The following CLVS1 variants were observed in gnomAD, a reference collection of about 807,000 sequenced individuals.
CLVS1 encodes the protein clavesin-1.
Under a neutral mutation model 33.1 loss-of-function variants are expected in CLVS1, and 10 were observed. The observed-to-expected ratio is 0.30, with a 90% confidence interval of 0.19 to 0.51. The LOEUF is 0.51. Among genes scored for constraint, CLVS1 ranks in the 20% least tolerant of loss-of-function variants. The pLI, the probability that CLVS1 is intolerant of heterozygous loss-of-function variation, is 0.97. For missense variants in CLVS1, 343 were observed against 433.4 expected (o/e 0.79, Z 1.85); for synonymous variants, 163 against 166.1 (o/e 0.98, Z 0.14).
chr8:61,063,045 T>C (rs1804609036), intron 1 of CLVS1, among the ~76,000 whole-genome samples: 1 of 152,136 alleles, frequency 6.6e-6, no homozygotes, highest in Non-Finnish European at 1.5e-5. Flanking sequence ...ATTCCCATTG[T>C]TTGAAAGATA....
At chr8:61,412,010 TC>T (rs1815248104) in intron 3 of CLVS1, among the ~76,000 whole-genome samples, 2 of 152,124 alleles carry the variant, frequency 1.3e-5, no homozygotes, top group African/African-American at 4.8e-5. Context: ...AGGGAAGCCT[TC>T]ACTGAGACAG....
chr8:61,279,013 G>C (rs1026622794), intron 2 of CLVS1, among the ~76,000 whole-genome samples: 2 of 152,256 alleles, frequency 1.3e-5, no homozygotes, highest in Admixed American at 6.5e-5. Context: ...ATGTGGCTGA[G>C]AGAGTCATTA....
chr8:61,139,834 C>G (rs1487791587), intron 2 of CLVS1, among the ~76,000 whole-genome samples: 1 of 152,140 alleles, frequency 6.6e-6, no homozygotes, highest in Non-Finnish European at 1.5e-5. Context: ...TCCTTCCCGG[C>G]TCCCTCTTGT....
chr8:61,212,855 G>A (rs912655132), intron 2 of CLVS1, among the ~76,000 whole-genome samples: 1 of 152,180 alleles, frequency 6.6e-6, no homozygotes, highest in African/African-American at 2.4e-5. Flanking sequence ...GCAGGTGTAT[G>A]TAGTGGTGCC....
chr8:61,258,588 G>T (rs1809134331), intron 2 of CLVS1, among the ~76,000 whole-genome samples: 1 of 152,158 alleles, frequency 6.6e-6, no homozygotes, highest in East Asian at 1.9e-4. Context: ...TCTCACCTCT[G>T]TGACCCAGGC....
chr8:61,346,732 A>G (rs1290945508), intron 2 of CLVS1, among the ~76,000 whole-genome samples: 2 of 152,318 alleles, frequency 1.3e-5, no homozygotes, highest in Middle Eastern at 3.4e-3. Context: ...ATGGCAGATC[A>G]TAGTCCTGCA....
At chr8:61,327,309 ATATTAG>A (rs1811420990) in intron 2 of CLVS1, among the ~76,000 whole-genome samples, 1 of 152,216 alleles carries the variant, frequency 6.6e-6, no homozygotes, top group South Asian at 2.1e-4. Context: ...AGATATTGAC[ATATTAG>A]TGTTCTAATT....
intron 2 of CLVS1, among the ~76,000 whole-genome samples, chr8:61,366,744 T>A (rs1813227350): frequency 6.6e-6 from 1 of 152,156 alleles, no homozygotes; most frequent in Admixed American, 6.5e-5. Context: ...GAGCTGATGG[T>A]CTAGACTAGC....
intron 2 of CLVS1, among the ~76,000 whole-genome samples, chr8:61,274,385 C>T (rs1809524226): frequency 6.6e-6 from 1 of 152,114 alleles, no homozygotes; most frequent in African/African-American, 2.4e-5. Context: ...CTCTATTTCC[C>T]TGAGCTTAAA....
the CLVS1 span, among the ~76,000 whole-genome samples, chr8:60,979,393 C>A: frequency 2.0e-5 from 3 of 152,150 alleles, no homozygotes; most frequent in African/African-American, 7.2e-5. Context: ...TTAAAAGAGA[C>A]AAAAATATCA....
the CLVS1 span, among the ~76,000 whole-genome samples, chr8:60,982,954 C>T: frequency 2.7e-4 from 41 of 152,202 alleles, no homozygotes; most frequent in African/African-American, 9.4e-4. Flanking sequence ...CAAACAAACC[C>T]CCCACACCCC....
chr8:61,390,062 A>T (rs1814242028), intron 3 of CLVS1, among the ~76,000 whole-genome samples: 1 of 152,144 alleles, frequency 6.6e-6, no homozygotes, highest in Admixed American at 6.5e-5. Context: ...TATTGTCTAA[A>T]CTCAACTTCA....
intron 1 of CLVS1, among the ~76,000 whole-genome samples, chr8:61,111,277 A>T (rs941556103): frequency 1.3e-5 from 2 of 152,182 alleles, no homozygotes; most frequent in African/African-American, 4.8e-5. Flanking sequence ...ATTTTATCAG[A>T]TTATGAGTCC....
In CLVS1 at chr8:61,501,205, G is replaced by A. The variant is rs1039187544; in HGVS notation, c.*1663G>A. The A allele has an allele frequency of 6.8e-6, 1 of 146,888 alleles. No homozygotes were observed. The highest frequency in any genetic ancestry group is 6.8e-5 in the Admixed American group (1 of 14,804). The allele number at this position is 146,888 out of a possible 1,614,324, so 9.1% of individuals were successfully genotyped here. On this transcript the variant is annotated 3_prime_UTR_variant, in exon 6 of 6. Coordinates refer to ENST00000325897, the MANE Select transcript of CLVS1 (RefSeq NM_173519.3). ...TTTCTTATGTACCAAGACATAGATA[G>A]GTAAGAGAAATAAAGAATTGAAGTG...
the CLVS1 span, among the ~76,000 whole-genome samples, chr8:61,043,674 A>G: frequency 6.6e-6 from 1 of 152,218 alleles, no homozygotes; most frequent in African/African-American, 2.4e-5. Context: ...TCCCAGGTAT[A>G]TGTTGATTCT....
intron 1 of CLVS1, among the ~76,000 whole-genome samples, chr8:61,066,371 G>A (rs1804678142): frequency 6.6e-6 from 1 of 152,134 alleles, no homozygotes; most frequent in Non-Finnish European, 1.5e-5. Context: ...GATGGTGTGT[G>A]CCTGTAGTCC....
intron 2 of CLVS1, among the ~76,000 whole-genome samples, chr8:61,216,015 T>C (rs1418910756): frequency 6.6e-6 from 1 of 152,148 alleles, no homozygotes; most frequent in Non-Finnish European, 1.5e-5. Flanking sequence ...TAGGGCAGAT[T>C]AACCAACAGG....
intron 5 of CLVS1, among the ~76,000 whole-genome samples, chr8:61,496,051 T>C (rs1804255369): frequency 6.6e-6 from 1 of 152,178 alleles, no homozygotes; most frequent in African/African-American, 2.4e-5. Flanking sequence ...TAAGGAAGAA[T>C]TTTCTAGCTG....
chr8:61,010,350 A>G, the CLVS1 span, among the ~76,000 whole-genome samples: 1 of 152,258 alleles, frequency 6.6e-6, no homozygotes, highest in African/African-American at 2.4e-5. Flanking sequence ...TAGATAAAAT[A>G]CAGGACAACC....
Sources: allele counts gnomAD v4.1 joint callset (sites outside exome capture counted in the v4.1 genomes callset), GRCh38; gene constraint gnomAD v4.1.1; transcripts MANE v1.5; gene names NCBI Gene and HGNC (gene_info 2026-07-23, HGNC 2026-07-21).